PCDHGB5: variants seen among roughly 807,000 people sequenced by gnomAD.
The protein encoded by PCDHGB5 is protocadherin gamma-B5.
In PCDHGB5, 48 loss-of-function variants were observed where a neutral mutation model predicts 62.9. The observed-to-expected ratio is 0.76, with a 90% CI of 0.61 to 0.97. The LOEUF (loss-of-function observed/expected upper bound fraction) is 0.97, where lower values mean the gene tolerates loss of function less well. PCDHGB5 is among the 50% of genes least tolerant of loss of function. The pLI is 0.00. For synonymous variants in PCDHGB5, 474 were observed against 511.2 expected, an observed-to-expected ratio of 0.93 and a Z score of 0.98; for missense variants, 1,118 against 1,198.6, an observed-to-expected ratio of 0.93 and a Z score of 0.99.
chr5:141,478,726 G>A, intron 1 of PCDHGB5: 2 of 1,540,996 alleles, frequency 1.3e-6, no homozygotes, highest in Non-Finnish European at 1.8e-6. Context: ...GCCTGCCAGA[G>A]TGTGGTTTGT....
rs2099756055 is a variant in PCDHGB5, at chr5:141,494,679, C to T, written c.2398-128C>T. The T allele has an allele frequency of 3.9e-6, 6 of 1,556,494 alleles. No homozygotes were observed. In the South Asian group the frequency reaches 4.7e-5, roughly 12 times the overall value. ...GTCTTTGGAGATGAGTCCACCCCTG[C>T]CCCCTCTTAGTCCGTTTTCTTCTCT... is the stretch of plus-strand genomic sequence containing the variant. On this transcript the variant is annotated intron_variant, in intron 1 of 3. Coordinates refer to ENST00000617380, the MANE Select transcript of PCDHGB5 (RefSeq NM_018925.3).
rs2094019562 is a variant in PCDHGB5 at position 141,400,435 on chromosome 5, A to G, written c.2308A>G (p.Ser770Gly). 1 of 1,614,078 alleles carries G rather than the reference A, an allele frequency of 6.2e-7. No individual in the cohort carries two copies. The change falls in exon 1 of 4, where the codon AGT becomes GGT. Residue 770 changes from serine (S) to glycine (G), a missense_variant. By Grantham distance (56) the Ser-to-Gly change is moderately conservative. This residue lies in a region of PCDHGB5 where 1,034 missense variants were observed against 1,029.1 expected (regional missense o/e 1.00). Coordinates refer to ENST00000617380, the MANE Select transcript of PCDHGB5 (RefSeq NM_018925.3). ...TTTCCTAAAATGTAGTGAGCAATTG[A>G]GTTCAGGACAAGACATACTTTGTGG... Reference protein sequence around the residue: ...FNFLKCSEQLSSGQDILCGDS... With the variant: ...FNFLKCSEQLGSGQDILCGDS...
In PCDHGB5 at chr5:141,400,302, T is replaced by A. The variant is rs7701363; in HGVS notation, c.2175T>A (p.Pro725=). 1 of 1,614,082 alleles carries A rather than the reference T, an allele frequency of 6.2e-7. No individual in the cohort carries two copies. The highest frequency in any genetic ancestry group is 1.3e-5 in the African/African-American group (1 of 75,072). The change falls in exon 1 of 4, where the codon CCT becomes CCA. Residue 725 remains proline, a synonymous_variant. Coordinates refer to ENST00000617380, the MANE Select transcript of PCDHGB5 (RefSeq NM_018925.3). ...CTGCCGCCTGGAGCTGCTTCCAACC[T>A]GGTCTCTGTGTCAAGTCTGGACCTG... The part of the protein sequence containing the change: ...SSPAAWSCFQ[P]GLCVKSGPVV...
intron 1 of PCDHGB5, chr5:141,413,378 T>G (rs2095632557): frequency 6.2e-7 from 1 of 1,613,616 alleles, no homozygotes; most frequent in Non-Finnish European, 8.5e-7. Context: ...GAGCGCGGAG[T>G]CCGCATAGTC....
intron 1 of PCDHGB5, among the ~76,000 whole-genome samples, chr5:141,462,223 G>A (rs563764515): frequency 2.0e-5 from 3 of 152,144 alleles, no homozygotes; most frequent in Admixed American, 2.0e-4. Flanking sequence ...GCCTCCCAAA[G>A]TGCAGGGATT....
rs540471918 is a variant in PCDHGB5 at position 141,433,283 on chromosome 5, T to C, written c.2397+32759T>C. ...ATCATAGCTCACTGCAGCCTCAAAC[T>C]CCTAGGCTCAAGCAATTATCCCACC... On this transcript the variant is annotated intron_variant, in intron 1 of 3. Coordinates refer to ENST00000617380, the MANE Select transcript of PCDHGB5 (RefSeq NM_018925.3). The C allele has an allele frequency of 4.2e-5, 50 of 1,183,074 alleles. No homozygotes were observed. In the Admixed American group the frequency reaches 7.9e-4, roughly 19 times the overall value. 73.3% of individuals were successfully genotyped at this position (1,183,074 alleles called of 1,614,324 possible).
At position 141,476,901 on chromosome 5, in the gene PCDHGB5, G is replaced by C; in HGVS notation, c.2398-17906G>C. On this transcript the variant is annotated intron_variant, in intron 1 of 3. Coordinates refer to ENST00000617380, the MANE Select transcript of PCDHGB5 (RefSeq NM_018925.3). The surrounding 1 kb of genome is among the most constrained non-coding windows in gnomAD (Gnocchi z 7.6). ...CTGGAGGATGCACCCTCCGGCACGC[G>C]CGTGGTACAAGTCCTTGCAACGGAT... The C allele has an allele frequency of 1.2e-6, 2 of 1,613,900 alleles. No homozygotes were observed. Among genetic ancestry groups the C allele is most frequent in the Non-Finnish European group, 1.7e-6 (2 of 1,180,034 alleles).
Position 141,436,609 on chromosome 5 carries a change from A to G in PCDHGB5, c.2397+36085A>G, listed in dbSNP as rs182981534. On this transcript the variant is annotated intron_variant, in intron 1 of 3. Coordinates refer to ENST00000617380, the MANE Select transcript of PCDHGB5 (RefSeq NM_018925.3). ...AAAGGTCGTGGTGATGGCTAGGGCT[A>G]ACAAAAATCTGATTCACAACATGCA... Among the ~76,000 whole-genome samples, 5 of 152,334 alleles carry G rather than the reference A, an allele frequency of 3.3e-5. No homozygotes were observed. The East Asian group carries it at 5.8e-4, about 18-fold the overall frequency.
chr5:141,416,615 C>T (rs1156238298), intron 1 of PCDHGB5: 1 of 152,088 alleles, frequency 6.6e-6, no homozygotes, highest in Non-Finnish European at 1.5e-5. Context: ...AATGCCATTT[C>T]TGCAGATCAG....
intron 1 of PCDHGB5, among the ~76,000 whole-genome samples, chr5:141,438,655 T>G (rs1436221152): frequency 7.1e-6 from 1 of 140,042 alleles, no homozygotes; most frequent in East Asian, 2.1e-4. Flanking sequence ...CACACACATA[T>G]ATGTATATAT....
At chr5:141,428,255 G>C in intron 1 of PCDHGB5, 1 of 875,580 alleles carries the variant, frequency 1.1e-6, no homozygotes, top group Non-Finnish European at 1.8e-6. Flanking sequence ...CCAGACTTCA[G>C]TGACAGTCCT....
chr5:141,403,040 C>CA (rs1195249780), intron 1 of PCDHGB5: 1 of 1,613,950 alleles, frequency 6.2e-7, no homozygotes, highest in Non-Finnish European at 8.5e-7. Flanking sequence ...CAGGGCCAGT[C>CA]AGATTCGCTA....
At chr5:141,417,585 G>T in intron 1 of PCDHGB5, 1 of 462,794 alleles carries the variant, frequency 2.2e-6, no homozygotes, top group South Asian at 4.9e-5. Context: ...GTCCCACACA[G>T]AGCCTCTGGG....
At chr5:141,498,361 T>C (rs1256361883) in intron 2 of PCDHGB5, among the ~76,000 whole-genome samples, 1 of 151,460 alleles carries the variant, frequency 6.6e-6, no homozygotes, top group African/African-American at 2.4e-5. Flanking sequence ...GCAAAAGCCT[T>C]GTGGTGAGGC....
Position 141,485,863 on chromosome 5 carries a change from A to G in PCDHGB5, c.2398-8944A>G, listed in dbSNP as rs770864367. 78 of 1,614,054 alleles carry G rather than the reference A, an allele frequency of 4.8e-5. No individual in the cohort carries two copies. Among genetic ancestry groups the G allele is most frequent in the Non-Finnish European group, 6.0e-5 (71 of 1,180,040 alleles). ...GATCTGGCACCGCAGAGCTCCGGGT[A>G]TCCGTGCTGGACGTAAACGACAACG... On this transcript the variant is annotated intron_variant, in intron 1 of 3. Coordinates refer to ENST00000617380, the MANE Select transcript of PCDHGB5 (RefSeq NM_018925.3). The surrounding 1 kb of genome is among the most constrained non-coding windows in gnomAD (Gnocchi z 5.7).
In PCDHGB5 at chr5:141,495,640, G is replaced by A. The variant is rs149177775; in HGVS notation, c.2456+775G>A. 1.2e-3 allele frequency among the ~76,000 whole-genome samples: 177 copies of A among 152,150 alleles called. 1 individual carries two copies. The highest frequency in any genetic ancestry group is 4.1e-3 in the African/African-American group (171 of 41,498). ...ACCTCAGCCTCAGTCCCTTTCATTT[G>A]TCTACTTGCATTGATCTGTGCCGCC... On this transcript the variant is annotated intron_variant, in intron 2 of 3. Transcript: ENST00000617380.
intron 1 of PCDHGB5, among the ~76,000 whole-genome samples, chr5:141,473,404 T>A (rs953797915): frequency 6.6e-6 from 1 of 152,226 alleles, no homozygotes; most frequent in Non-Finnish European, 1.5e-5. Flanking sequence ...TCTTTTTTTC[T>A]TCTTCAGTGG....
chr5:141,431,333 C>G lies in PCDHGB5; in HGVS notation c.2397+30809C>G. 1.2e-6 allele frequency: 2 copies of G among 1,614,058 alleles called. No individual in the cohort carries two copies. The highest frequency in any genetic ancestry group is 2.2e-5 in the South Asian group (2 of 91,088). Reference sequence around the variant, plus strand: ...AAATGGAGCCGACGGTAGTAAGTACCCCGAATTGGTGCTGAAACGCGCCCT... The same window carrying G: ...AAATGGAGCCGACGGTAGTAAGTACGCCGAATTGGTGCTGAAACGCGCCCT... On this transcript the variant is annotated intron_variant, in intron 1 of 3. Coordinates refer to ENST00000617380, the MANE Select transcript of PCDHGB5 (RefSeq NM_018925.3). The surrounding 1 kb of genome is among the most constrained non-coding windows in gnomAD (Gnocchi z 4.8).
At chr5:141,471,506 G>A (rs2099258630) in intron 1 of PCDHGB5, 1 of 152,214 alleles carries the variant, frequency 6.6e-6, no homozygotes, top group South Asian at 2.1e-4. Flanking sequence ...GCAAGAGAGG[G>A]AGTAAAAATA....
Sources: allele counts gnomAD v4.1 joint callset (sites outside exome capture counted in the v4.1 genomes callset), GRCh38; gene constraint gnomAD v4.1.1; regional missense constraint gnomAD v4.1.1; non-coding constraint Gnocchi (gnomAD v3.1); transcripts MANE v1.5; gene names NCBI Gene and HGNC (gene_info 2026-07-23, HGNC 2026-07-21).